Variants in INO80 observed in about 807,000 individuals in gnomAD.
The protein encoded by INO80 is chromatin-remodeling ATPase INO80.
In INO80, 20 loss-of-function variants were observed where a neutral mutation model predicts 203.4. The ratio of observed to expected loss-of-function variants is 0.10; its 90% confidence interval spans 0.07 to 0.14. INO80 has a LOEUF of 0.14. Ranked by LOEUF, INO80 falls within the 10% of genes least tolerant of loss-of-function variation. The pLI is 1.00. For missense variants in INO80, 1,419 were observed against 1,914.4 expected, an observed-to-expected ratio of 0.74 and a Z score of 4.83; for synonymous variants, 726 against 685.2, an observed-to-expected ratio of 1.06 and a Z score of -0.93.
chr15:41,015,804 G>A (rs2044195635), intron 27 of INO80, among the ~76,000 whole-genome samples: 1 of 146,252 alleles, frequency 6.8e-6, no homozygotes, highest in South Asian at 2.2e-4. Flanking sequence ...AAAAAGAGCT[G>A]AGTGTGGTGG....
intron 29 of INO80, among the ~76,000 whole-genome samples, chr15:40,991,044 T>C (rs1190053460): frequency 6.6e-6 from 1 of 152,164 alleles, no homozygotes; most frequent in East Asian, 1.9e-4. Flanking sequence ...GGGAGAGCCA[T>C]ATAATGAATT....
chr15:41,111,739 G>T (rs951376805), intron 1 of INO80, among the ~76,000 whole-genome samples: 3 of 151,758 alleles, frequency 2.0e-5, no homozygotes, highest in Admixed American at 1.3e-4. Flanking sequence ...GGAGGCGGAG[G>T]TTGCAGTGAG....
intron 27 of INO80, among the ~76,000 whole-genome samples, chr15:41,015,309 G>T (rs568454467): frequency 6.6e-6 from 1 of 152,206 alleles, no homozygotes; most frequent in African/African-American, 2.4e-5. Context: ...TAATAAATAA[G>T]AATCTCTGGA....
At chr15:41,048,475 A>G (rs1202871557) in intron 21 of INO80, among the ~76,000 whole-genome samples, 199 bp from the exon 22 acceptor site, 1 of 152,240 alleles carries the variant, frequency 6.6e-6, no homozygotes, top group East Asian at 1.9e-4. Context: ...GTGTAAGAAG[A>G]TAATACAAAT....
chr15:41,078,406 T>C (rs1258234822), intron 9 of INO80, among the ~76,000 whole-genome samples: 1 of 152,162 alleles, frequency 6.6e-6, no homozygotes, highest in Admixed American at 6.5e-5. Flanking sequence ...CCTGCAAAAC[T>C]TCAAGATCTG....
chr15:41,016,107 C>T lies in INO80; in HGVS notation c.3383G>A (p.Arg1128Lys). 6.2e-7 allele frequency: 1 copy of T among 1,613,548 alleles called. No homozygotes were observed. The highest frequency in any genetic ancestry group is 8.5e-7 in the Non-Finnish European group (1 of 1,179,600). Reference sequence around the variant, plus strand: ...TCCTACCTCCAGTAGGTCTATCATCCTGGTCATCTGGGAGTAGATAAGGAC... The same window carrying T: ...TCCTACCTCCAGTAGGTCTATCATCTTGGTCATCTGGGAGTAGATAAGGAC... ...HRVLIYSQMTRMIDLLEEYMV... is the reference protein window; with the variant it reads ...HRVLIYSQMTKMIDLLEEYMV... The change falls in exon 27 of 36, where the codon AGG becomes AAG. Residue 1128 changes from arginine (R) to lysine (K), a missense_variant. By Grantham distance (26) the Arg-to-Lys change is conservative. Coordinates refer to ENST00000648947, the MANE Select transcript of INO80 (RefSeq NM_017553.3).
chr15:41,084,285 C>T (rs1596317495), intron 7 of INO80, among the ~76,000 whole-genome samples: 2 of 151,212 alleles, frequency 1.3e-5, no homozygotes, highest in Admixed American at 6.6e-5. Context: ...ATTGGCTGGG[C>T]GTGGTGGCGC....
At chr15:41,100,326 G>A (rs946438702) in intron 1 of INO80, among the ~76,000 whole-genome samples, 8 of 152,038 alleles carry the variant, frequency 5.3e-5, no homozygotes, top group Non-Finnish European at 1.0e-4. Flanking sequence ...CGCCCGCCTC[G>A]GCCTCCCAAA....
chr15:41,038,011 CT>C (rs748525965), intron 24 of INO80, among the ~76,000 whole-genome samples: 1,989 of 89,744 alleles, frequency 0.022, 31 homozygotes, highest in African/African-American at 0.082. Flanking sequence ...CTTCCCTTTT[CT>C]TTTTTTTTTT....
At chr15:41,052,674 CAAAAAAAAA>C (rs60685375) in intron 19 of INO80, among the ~76,000 whole-genome samples, 2,976 of 107,194 alleles carry the variant, frequency 0.028, 100 homozygotes, top group African/African-American at 0.091. Context: ...CCTTGTCTTA[CAAAAAAAAA>C]AAAAAAAAAA....
Position 41,002,954 on chromosome 15 carries a change from T to C in INO80, c.3497+2639A>G, listed in dbSNP as rs377213368. On this transcript the variant is annotated intron_variant, in intron 28 of 35. Coordinates refer to ENST00000648947, the MANE Select transcript of INO80 (RefSeq NM_017553.3). ...CTTGTCTCTACTAAAAATACAAAAA[T>C]ACAAAAATACAAAAAATTAGCCAGG... Among the ~76,000 whole-genome samples, 7 of 151,536 alleles carry C rather than the reference T, an allele frequency of 4.6e-5. No homozygotes were observed. The East Asian group carries it at 1.2e-3, about 25-fold the overall frequency.
chr15:40,982,790 C>CT (rs1482620122), intron 35 of INO80, 72 bp downstream of exon 35: 1 of 1,281,214 alleles, frequency 7.8e-7, no homozygotes, highest in Admixed American at 2.0e-5. Flanking sequence ...CCTACATGTT[C>CT]TACCTGACTG....
intron 9 of INO80, 103 bp downstream of exon 9, chr15:41,079,598 T>C (rs1043329791): frequency 5.2e-5 from 48 of 919,468 alleles, no homozygotes; most frequent in African/African-American, 5.0e-5. Flanking sequence ...AAACAAAAAA[T>C]TGACAGTGTC....
chr15:41,044,381 C>T (rs2044718578), intron 24 of INO80, among the ~76,000 whole-genome samples: 1 of 152,134 alleles, frequency 6.6e-6, no homozygotes, highest in Non-Finnish European at 1.5e-5. Flanking sequence ...AAAAAGAATG[C>T]TATATATGAC....
At position 41,095,617 on chromosome 15, in the gene INO80, C is replaced by T. The variant is rs780041410; in HGVS notation, c.365G>A (p.Ser122Asn). 3.7e-6 allele frequency: 6 copies of T among 1,610,016 alleles called. No homozygotes were observed. Among genetic ancestry groups the T allele is most frequent in the African/African-American group, 1.3e-5 (1 of 74,840 alleles). ...ATCTCTTACCTTTAGCCACTTTCTG[C>T]TTTTCTTCAGCTTAGAGAAATTATA... ...NLYNFSKLKK[S>N]RKWLKSILLS... Residue 122 changes from serine (S) to asparagine (N), a missense_variant, in exon 4 of 36, where the codon AGC becomes AAC. Ser to Asn is a conservative substitution (Grantham distance 46). This residue lies in a region of INO80 where 323 missense variants were observed against 325.4 expected (regional missense o/e 0.99). Transcript: ENST00000648947.
intron 29 of INO80, among the ~76,000 whole-genome samples, chr15:40,991,719 G>C (rs1025950937): frequency 6.6e-6 from 1 of 151,978 alleles, no homozygotes; most frequent in Non-Finnish European, 1.5e-5. Context: ...TGGCTGTATA[G>C]GTCAGTGAGA....
intron 29 of INO80, among the ~76,000 whole-genome samples, chr15:40,990,698 C>T (rs2043805685): frequency 6.6e-6 from 1 of 152,124 alleles, no homozygotes; most frequent in African/African-American, 2.4e-5. Context: ...CAAACCTGAC[C>T]ACACGACATT....
intron 24 of INO80, among the ~76,000 whole-genome samples, chr15:41,042,772 C>A (rs1188066694): frequency 6.6e-6 from 1 of 152,216 alleles, no homozygotes; most frequent in Admixed American, 6.5e-5. Flanking sequence ...CCACGCCCGG[C>A]TGACAGTCTT....
intron 23 of INO80, among the ~76,000 whole-genome samples, chr15:41,046,524 C>G (rs565601670): frequency 6.8e-6 from 1 of 146,628 alleles, no homozygotes; most frequent in South Asian, 2.2e-4. Context: ...CTGCGCCTGG[C>G]CTATTTAAGA....
Sources: allele counts gnomAD v4.1 joint callset (sites outside exome capture counted in the v4.1 genomes callset), GRCh38; gene constraint gnomAD v4.1.1; regional missense constraint gnomAD v4.1.1; transcripts MANE v1.5; gene names NCBI Gene and HGNC (gene_info 2026-07-23, HGNC 2026-07-21).